Variants in PSMD11 observed in about 807,000 individuals in gnomAD.
PSMD11 encodes proteasome 26S subunit, non-ATPase 11.
In PSMD11, 5 loss-of-function variants were observed where a neutral mutation model predicts 62.3. The observed-to-expected ratio is 0.08, with a 90% CI of 0.04 to 0.17. The LOEUF is 0.17. Among genes scored for constraint, PSMD11 ranks in the 10% least tolerant of loss-of-function variants. The pLI is 1.00. For missense variants in PSMD11, 310 were observed against 512.9 expected (o/e 0.60, Z 3.82); for synonymous variants, 191 against 191.8 (o/e 1.00, Z 0.03).
At chr17:32,446,878 G>A in intron 1 of PSMD11, 67 bp from the exon 2 acceptor site, 1 of 1,102,382 alleles carries the variant, frequency 9.1e-7, no homozygotes, top group Non-Finnish European at 1.4e-6. Context: ...TCTTATGAGG[G>A]TGAAATTTCC....
chr17:32,464,611 G>A (rs1403165767), intron 5 of PSMD11, 33 bp downstream of exon 5: 1 of 1,537,942 alleles, frequency 6.5e-7, no homozygotes, highest in Non-Finnish European at 8.9e-7. Context: ...ATCTCAGCTA[G>A]CTAAATGAAT....
intron 5 of PSMD11, among the ~76,000 whole-genome samples, chr17:32,465,497 A>G (rs1477834307): frequency 1.3e-5 from 2 of 152,168 alleles, no homozygotes; most frequent in South Asian, 2.1e-4. Flanking sequence ...TAGGTTGAAG[A>G]GTTTCCAATA....
intron 4 of PSMD11, 116 bp from the exon 5 acceptor site, chr17:32,464,405 T>G (rs1191841416): frequency 5.9e-6 from 5 of 852,332 alleles, no homozygotes; most frequent in Non-Finnish European, 9.3e-6. Flanking sequence ...ATGCTGAATT[T>G]GATGCTATCA....
At chr17:32,477,750 G>A in intron 9 of PSMD11, 167 bp downstream of exon 9, 1 of 450,380 alleles carries the variant, frequency 2.2e-6, no homozygotes, top group Non-Finnish European at 3.9e-6. Context: ...TAAGCACTTT[G>A]TACAATGAAA....
chr17:32,468,711 TTA>T (rs975870858), intron 5 of PSMD11, among the ~76,000 whole-genome samples: 11 of 152,310 alleles, frequency 7.2e-5, no homozygotes, highest in African/African-American at 2.4e-4. Context: ...ATTTAGCATT[TTA>T]TAGGTAGAGA....
rs1221992909 is a variant in PSMD11, at chr17:32,459,656, T to A, written c.319-4393T>A. ...TCTGACTTGGGGAAATAGGATATAA[T>A]TTTTATTCTTAGTTCTTTTTTCTTT... On this transcript the variant is annotated intron_variant, in intron 3 of 13. Transcript: ENST00000261712. Among the ~76,000 whole-genome samples the A allele has an allele frequency of 3.9e-5, 6 of 152,256 alleles. No individual in the cohort carries two copies. The East Asian group carries it at 1.2e-3, about 29-fold the overall frequency.
At chr17:32,444,852 T>C in intron 1 of PSMD11, 1 of 567,548 alleles carries the variant, frequency 1.8e-6, no homozygotes, top group South Asian at 2.1e-5. Flanking sequence ...CACGGGGGGC[T>C]CAGCGTAGGG....
At chr17:32,467,637 TCA>T (rs2150836023) in intron 5 of PSMD11, among the ~76,000 whole-genome samples, 1 of 152,300 alleles carries the variant, frequency 6.6e-6, no homozygotes, top group East Asian at 1.9e-4. Flanking sequence ...AAACAGGGTC[TCA>T]CTCTGTCACC....
intron 6 of PSMD11, among the ~76,000 whole-genome samples, chr17:32,472,056 TGG>T (rs1277728046): frequency 1.3e-5 from 2 of 151,962 alleles, no homozygotes; most frequent in Non-Finnish European, 2.9e-5. Flanking sequence ...TTTGTAGAGA[TGG>T]GGTTTCACCC....
Position 32,480,763 on chromosome 17 carries a change from G to A in PSMD11, c.*11G>A. The A allele has an allele frequency of 9.3e-7, 1 of 1,069,608 alleles. No homozygotes were observed. The highest frequency in any genetic ancestry group is 2.6e-5 in the Admixed American group (1 of 38,998). 66.3% of individuals were successfully genotyped at this position (1,069,608 alleles called of 1,614,324 possible). A position where few individuals can be genotyped will look rare whatever the true frequency, so the allele number is the denominator to read the frequency against. ...TGTCTTCTCTTGCAGAGTTGGATCT[G>A]TAGCGGTCCTTTGGAGAGTGTGTGT... On this transcript the variant is annotated 3_prime_UTR_variant, in exon 14 of 14. Coordinates refer to ENST00000261712, the MANE Select transcript of PSMD11 (RefSeq NM_002815.4).
At chr17:32,464,867 G>A (rs892817817) in intron 5 of PSMD11, among the ~76,000 whole-genome samples, 1 of 152,070 alleles carries the variant, frequency 6.6e-6, no homozygotes, top group Non-Finnish European at 1.5e-5. Context: ...TAAAAAAAGT[G>A]TATCTATATT....
At chr17:32,467,351 T>G (rs1171990801) in intron 5 of PSMD11, among the ~76,000 whole-genome samples, 1 of 151,400 alleles carries the variant, frequency 6.6e-6, no homozygotes, top group African/African-American at 2.4e-5. Flanking sequence ...GTTCAAGTGA[T>G]TCTCCTGCCT....
intron 3 of PSMD11, among the ~76,000 whole-genome samples, chr17:32,462,064 G>A (rs976365270): frequency 6.6e-6 from 1 of 152,150 alleles, no homozygotes; most frequent in Non-Finnish European, 1.5e-5. Context: ...ATAATTCATT[G>A]TTTCTTAATT....
intron 2 of PSMD11, among the ~76,000 whole-genome samples, chr17:32,449,834 GT>G (rs972216649): frequency 6.6e-6 from 1 of 152,090 alleles, no homozygotes; most frequent in African/African-American, 2.4e-5. Context: ...TTAATGTTCA[GT>G]TTTTTTATGC....
chr17:32,479,605 G>A (rs770855907), intron 10 of PSMD11: 9 of 706,884 alleles, frequency 1.3e-5, no homozygotes, highest in East Asian at 1.1e-4. Context: ...TTTCCTCCTC[G>A]CTTTTAGTCA....
At chr17:32,465,268 G>A (rs1333500976) in intron 5 of PSMD11, among the ~76,000 whole-genome samples, 1 of 152,054 alleles carries the variant, frequency 6.6e-6, no homozygotes, top group East Asian at 1.9e-4. Context: ...CTGCAGGCAT[G>A]TGCCTGGCTA....
At chr17:32,453,060 C>G (rs1217780332) in intron 2 of PSMD11, among the ~76,000 whole-genome samples, 2 of 152,142 alleles carry the variant, frequency 1.3e-5, no homozygotes, top group Non-Finnish European at 2.9e-5. Context: ...TTTGTTTTGG[C>G]CAACATTGGA....
intron 8 of PSMD11, among the ~76,000 whole-genome samples, chr17:32,475,860 T>C (rs1445762603): frequency 6.6e-6 from 1 of 151,672 alleles, no homozygotes; most frequent in Non-Finnish European, 1.5e-5. Flanking sequence ...CCAAAAGTGC[T>C]GGGATTGTAG....
At chr17:32,469,793 G>T (rs1908108327) in intron 6 of PSMD11, among the ~76,000 whole-genome samples, 1 of 152,024 alleles carries the variant, frequency 6.6e-6, no homozygotes, top group Non-Finnish European at 1.5e-5. Context: ...CCTCTCATCT[G>T]TAAAAGATAA....
Sources: gnomAD v4.1 joint callset for allele counts (sites outside exome capture counted in the v4.1 genomes callset) on GRCh38, gnomAD v4.1.1 for gene constraint, MANE v1.5 for transcripts, NCBI Gene and HGNC (gene_info 2026-07-23, HGNC 2026-07-21) for gene names.